The following NKD1 variants were observed in gnomAD, a reference collection of about 807,000 sequenced individuals.
The protein encoded by NKD1 is protein naked cuticle homolog 1.
A neutral mutation model predicts 56.0 loss-of-function variants in NKD1; 21 were observed. That is an observed-to-expected ratio of 0.38 (90% CI 0.27 to 0.54). The LOEUF (loss-of-function observed/expected upper bound fraction) is 0.54. Ranked by LOEUF, NKD1 falls within the 20% of genes least tolerant of loss-of-function variation. The pLI is 0.82. For synonymous variants in NKD1, 263 were observed against 265.7 expected (o/e 0.99, Z 0.10); for missense variants, 578 against 642.7 (o/e 0.90, Z 1.09).
At chr16:50,548,787 C>T in intron 2 of NKD1, 38 bp downstream of exon 2, 1 of 1,359,780 alleles carries the variant, frequency 7.4e-7, no homozygotes, top group Non-Finnish European at 9.4e-7. Flanking sequence ...GGGATGGACG[C>T]GGGGGACACC....
At chr16:50,554,141 A>G (rs889796528) in intron 3 of NKD1, among the ~76,000 whole-genome samples, 8 of 152,126 alleles carry the variant, frequency 5.3e-5, no homozygotes, top group Non-Finnish European at 1.0e-4. Flanking sequence ...CAGACTGTGC[A>G]TGCCTTCTGT....
In NKD1 at chr16:50,596,713, A is replaced by G. The variant is rs1165538946; in HGVS notation, c.193-11581A>G. On this transcript the variant is annotated intron_variant, in intron 3 of 9. Coordinates refer to ENST00000268459, the MANE Select transcript of NKD1 (RefSeq NM_033119.5). The stretch of plus-strand genomic sequence containing the variant: ...TGCCTCCGCCGTCAGGCGTTGATAC[A>G]TAATGTGTCAGATGGTGGGAATGCC... Among the ~76,000 whole-genome samples, 5 of 152,248 alleles carry G rather than the reference A, an allele frequency of 3.3e-5. 1 individual carries two copies. Among genetic ancestry groups the G allele is most frequent in the Non-Finnish European group, 7.3e-5 (5 of 68,042 alleles).
intron 4 of NKD1, among the ~76,000 whole-genome samples, chr16:50,614,593 C>T (rs920659684): frequency 2.6e-5 from 4 of 152,128 alleles, no homozygotes; most frequent in African/African-American, 9.7e-5. Context: ...ACATGTTGGA[C>T]TCACTTTATT....
At chr16:50,558,900 ACT>A (rs775321720) in intron 3 of NKD1, among the ~76,000 whole-genome samples, 79 of 148,938 alleles carry the variant, frequency 5.3e-4, no homozygotes, top group Non-Finnish European at 1.1e-3. Context: ...CAAGAGTGAA[ACT>A]CTGTCTCAAA....
chr16:50,554,305 A>G (rs970410064), intron 3 of NKD1, among the ~76,000 whole-genome samples: 1 of 152,138 alleles, frequency 6.6e-6, no homozygotes, highest in African/African-American at 2.4e-5. Flanking sequence ...GAAGGTGGGG[A>G]TGGATGGATC....
chr16:50,592,975 A>G (rs1961401536), intron 3 of NKD1, among the ~76,000 whole-genome samples: 1 of 152,106 alleles, frequency 6.6e-6, no homozygotes, highest in Non-Finnish European at 1.5e-5. Flanking sequence ...CTAGCATTAT[A>G]TGGGCAGTCC....
intron 3 of NKD1, among the ~76,000 whole-genome samples, chr16:50,604,822 G>C (rs2151274648): frequency 6.6e-6 from 1 of 152,382 alleles, no homozygotes; most frequent in East Asian, 1.9e-4. Context: ...GCCCTGACAT[G>C]TGGGGCTGCC....
intron 3 of NKD1, among the ~76,000 whole-genome samples, chr16:50,585,308 C>T (rs904808845): frequency 8.5e-5 from 13 of 152,202 alleles, no homozygotes; most frequent in African/African-American, 2.9e-4. Context: ...GATGCTGGCA[C>T]TTCCCAATTC....
intron 3 of NKD1, among the ~76,000 whole-genome samples, chr16:50,604,436 G>A (rs1260128996): frequency 1.3e-5 from 2 of 152,152 alleles, no homozygotes; most frequent in African/African-American, 2.4e-5. Flanking sequence ...GCAGTGTTCT[G>A]GTCACCATAC....
intron 3 of NKD1, among the ~76,000 whole-genome samples, chr16:50,558,986 C>G (rs907255439): frequency 1.3e-5 from 2 of 152,146 alleles, no homozygotes; most frequent in Admixed American, 1.3e-4. Context: ...CAGCATGTGC[C>G]CATAGAAGGT....
rs141283196 is a variant in NKD1, at chr16:50,585,390, C to T, written c.193-22904C>T. On this transcript the variant is annotated intron_variant, in intron 3 of 9. Coordinates refer to ENST00000268459, the MANE Select transcript of NKD1 (RefSeq NM_033119.5). The stretch of plus-strand genomic sequence containing the variant: ...CGCCCGGCAGCTGGGCTCTGTCAGC[C>T]GCATGGAGACGTGAACCCTGCCGGC... Among the ~76,000 whole-genome samples, 186 of 152,280 alleles carry T rather than the reference C, an allele frequency of 1.2e-3. 4 individuals carry two copies. Among genetic ancestry groups the T allele is most frequent in the African/African-American group, 3.8e-3 (159 of 41,562 alleles).
chr16:50,604,198 C>T (rs1409693028), intron 3 of NKD1, among the ~76,000 whole-genome samples: 2 of 152,240 alleles, frequency 1.3e-5, no homozygotes, highest in East Asian at 1.9e-4. Context: ...GACTCAGGCT[C>T]TGGCACTTAC....
intron 3 of NKD1, among the ~76,000 whole-genome samples, chr16:50,603,009 A>T (rs1961630646): frequency 6.6e-6 from 1 of 152,230 alleles, no homozygotes; most frequent in Admixed American, 6.5e-5. Context: ...CTCGCCAGGC[A>T]TTAGGATGGA....
intron 6 of NKD1, 26 bp from the exon 7 acceptor site, chr16:50,630,160 T>C (rs770363522): frequency 3.7e-6 from 6 of 1,611,404 alleles, no homozygotes; most frequent in Non-Finnish European, 5.1e-6. Flanking sequence ...AAACCCTGCA[T>C]GGGTCTCCGC....
chr16:50,562,802 A>G (rs1960663516), intron 3 of NKD1, among the ~76,000 whole-genome samples: 1 of 152,008 alleles, frequency 6.6e-6, no homozygotes, highest in African/African-American at 2.4e-5. Flanking sequence ...AGCGGGACCT[A>G]ATGAGCGACC....
At chr16:50,571,524 A>G (rs1960883665) in intron 3 of NKD1, 2 of 985,202 alleles carry the variant, frequency 2.0e-6, no homozygotes, top group Non-Finnish European at 2.4e-6. Flanking sequence ...CTTGAGACCC[A>G]TCTGCGCTCC....
At chr16:50,590,500 A>T (rs956083269) in intron 3 of NKD1, among the ~76,000 whole-genome samples, 35 of 152,244 alleles carry the variant, frequency 2.3e-4, no homozygotes, top group Admixed American at 2.3e-3. Context: ...CTTCATTTTT[A>T]TTTATTTAAC....
intron 4 of NKD1, among the ~76,000 whole-genome samples, chr16:50,609,080 C>T (rs908070635): frequency 1.3e-5 from 2 of 152,260 alleles, no homozygotes; most frequent in Non-Finnish European, 2.9e-5. Flanking sequence ...CCACCTTGGC[C>T]TCCCAAAGTG....
intron 3 of NKD1, chr16:50,571,682 T>C (rs1960887082): frequency 4.0e-6 from 1 of 250,160 alleles, no homozygotes; most frequent in Admixed American, 6.5e-5. Context: ...GAATCTCAGA[T>C]TTGCCCACTG....
Sources: gnomAD v4.1 joint callset for allele counts (sites outside exome capture counted in the v4.1 genomes callset) on GRCh38, gnomAD v4.1.1 for gene constraint, MANE v1.5 for transcripts, NCBI Gene and HGNC (gene_info 2026-07-23, HGNC 2026-07-21) for gene names.